Variants in QRFPR observed in about 807,000 individuals in gnomAD.
QRFPR encodes pyroglutamylated RFamide peptide receptor.
QRFPR carries 37 observed loss-of-function variants against 31.3 expected under a neutral mutation model. The observed-to-expected ratio is 1.18, with a 90% CI of 0.91 to 1.56. The LOEUF (loss-of-function observed/expected upper bound fraction) is 1.56, where lower values mean the gene tolerates loss of function less well. Among genes scored for constraint, QRFPR ranks in the 40% most tolerant of loss-of-function variants. The pLI is 0.00. For synonymous variants in QRFPR, 197 were observed against 192.0 expected, an observed-to-expected ratio of 1.03 and a Z score of -0.22; for missense variants, 542 against 532.5, an observed-to-expected ratio of 1.02 and a Z score of -0.18.
chr4:121,329,140 G>T lies in QRFPR; in HGVS notation c.*174C>A, dbSNP rs1238666056. The T allele has an allele frequency of 3.4e-5, 18 of 525,308 alleles. 1 individual carries two copies. Among genetic ancestry groups the T allele is most frequent in the Non-Finnish European group, 5.6e-5 (17 of 305,050 alleles). 32.5% of individuals were successfully genotyped at this position (525,308 alleles called of 1,614,324 possible). On this transcript the variant is annotated 3_prime_UTR_variant, in exon 6 of 6. Coordinates refer to ENST00000394427, the MANE Select transcript of QRFPR (RefSeq NM_198179.3). ...ATCTGTTAAATGATTGTGATCAATT[G>T]GTTGTAAACATCACTGCACTTGGAC...
At chr4:121,369,428 C>A in intron 1 of QRFPR, 1 of 815,086 alleles carries the variant, frequency 1.2e-6, no homozygotes. Flanking sequence ...AAAGAAAGGG[C>A]TCTAGAAGCC....
At chr4:121,343,598 G>A (rs1725587034) in intron 1 of QRFPR, among the ~76,000 whole-genome samples, 1 of 152,208 alleles carries the variant, frequency 6.6e-6, no homozygotes, top group Admixed American at 6.5e-5. Flanking sequence ...TGGTTTGGAT[G>A]TGGTACTTGA....
At position 121,364,315 on chromosome 4, in the gene QRFPR, G is replaced by A. The variant is rs367751922; in HGVS notation, c.340+15993C>T. ...AAAACTTGAATGGAATGAGAGAAAG[G>A]GGTTCTAAGGCATGTTAATTGAAAT... On this transcript the variant is annotated intron_variant, in intron 1 of 5. Coordinates refer to ENST00000394427, the MANE Select transcript of QRFPR (RefSeq NM_198179.3). 6.0e-4 allele frequency among the ~76,000 whole-genome samples: 90 copies of A among 150,242 alleles called. 4 individuals carry two copies. Among genetic ancestry groups the A allele is most frequent in the African/African-American group, 2.1e-3 (87 of 40,690 alleles).
chr4:121,370,599 C>T (rs1190913232), intron 1 of QRFPR, among the ~76,000 whole-genome samples: 3 of 152,212 alleles, frequency 2.0e-5, no homozygotes, highest in African/African-American at 7.2e-5. Flanking sequence ...GCATCTGGAC[C>T]CAAGCCATGG....
At chr4:121,353,416 G>A (rs1409296165) in intron 1 of QRFPR, among the ~76,000 whole-genome samples, 1 of 152,032 alleles carries the variant, frequency 6.6e-6, no homozygotes, top group Admixed American at 6.6e-5. Context: ...CATCTTAACT[G>A]GGGTAAGATT....
At chr4:121,372,164 A>G (rs1487544251) in intron 1 of QRFPR, among the ~76,000 whole-genome samples, 1 of 152,180 alleles carries the variant, frequency 6.6e-6, no homozygotes, top group South Asian at 2.1e-4. Flanking sequence ...TCAGTCTCCC[A>G]CAAGACAGGG....
chr4:121,368,550 C>A (rs2110483078), intron 1 of QRFPR, among the ~76,000 whole-genome samples: 1 of 150,410 alleles, frequency 6.6e-6, no homozygotes, highest in African/African-American at 2.5e-5. Context: ...GGACAGTGAT[C>A]CATTAGGTCT....
chr4:121,361,639 G>A (rs72917765), intron 1 of QRFPR, among the ~76,000 whole-genome samples: 1 of 150,168 alleles, frequency 6.7e-6, no homozygotes, highest in Non-Finnish European at 1.5e-5. Flanking sequence ...GGCCTGAGAC[G>A]ATTCTGAAAA....
At chr4:121,334,721 T>C (rs1362426213) in intron 3 of QRFPR, 1 of 276,800 alleles carries the variant, frequency 3.6e-6, no homozygotes, top group Non-Finnish European at 7.4e-6. Flanking sequence ...AACCGTCTCG[T>C]TGCTTCTATC....
rs148645847 is a variant in QRFPR at position 121,329,743 on chromosome 4, C to A, written c.896-29G>T. On this transcript the variant is annotated intron_variant, in intron 5 of 5. Transcript: ENST00000394427. ...AAATAAAGTAATATTTTAGAATGTA[C>A]GTTTATTTTAAGGAGTATAAAATAA... The A allele has an allele frequency of 3.5e-4, 481 of 1,389,308 alleles. 1 individual carries two copies. The African/African-American group carries it at 5.8e-3, about 17-fold the overall frequency. 86.1% of individuals were successfully genotyped at this position (1,389,308 alleles called of 1,614,324 possible). A position where few individuals can be genotyped will look rare whatever the true frequency, so the allele number is the denominator to read the frequency against.
At chr4:121,371,048 A>T (rs1031216038) in intron 1 of QRFPR, among the ~76,000 whole-genome samples, 1 of 152,208 alleles carries the variant, frequency 6.6e-6, no homozygotes, top group African/African-American at 2.4e-5. Flanking sequence ...ATGGAACAGG[A>T]TTAGAACCCA....
intron 3 of QRFPR, 64 bp from the exon 4 acceptor site, chr4:121,333,120 A>G: frequency 9.4e-7 from 1 of 1,068,258 alleles, no homozygotes; most frequent in Non-Finnish European, 1.4e-6. Context: ...GAAATCAGCC[A>G]AGTATTATTG....
chr4:121,380,352 A>G lies in QRFPR; in HGVS notation c.296T>C (p.Ile99Thr). ...LSDLLITFFCIPVTMLQNISD... is the reference protein window; with the variant it reads ...LSDLLITFFCTPVTMLQNISD... ...AATGTTCTGGAGCATGGTGACGGGA[A>G]TGCAGAAGAAGGTGATGAGCAGGTC... is the stretch of plus-strand genomic sequence containing the variant. Residue 99 changes from isoleucine (I) to threonine (T), a missense_variant, in exon 1 of 6, where the codon ATT becomes ACT. Ile to Thr is a moderately conservative substitution (Grantham distance 89, BLOSUM62 -1). Transcript: ENST00000394427. The G allele has an allele frequency of 6.2e-7, 1 of 1,614,146 alleles. No homozygotes were observed. The highest frequency in any genetic ancestry group is 8.5e-7 in the Non-Finnish European group (1 of 1,180,022).
At position 121,362,785 on chromosome 4, in the gene QRFPR, A is replaced by G. The variant is rs146416541; in HGVS notation, c.340+17523T>C. On this transcript the variant is annotated intron_variant, in intron 1 of 5. Coordinates refer to ENST00000394427, the MANE Select transcript of QRFPR (RefSeq NM_198179.3). ...TTCCACAGGAAAAATAAAAGAATCT[A>G]GACACTACGAGAAAGACCACTTAAA... is the stretch of plus-strand genomic sequence containing the variant. Among the ~76,000 whole-genome samples, 632 of 150,282 alleles carry G rather than the reference A, an allele frequency of 4.2e-3. 38 individuals are homozygous for G. Among genetic ancestry groups the G allele is most frequent in the African/African-American group, 0.015 (599 of 40,708 alleles).
chr4:121,350,309 A>G (rs1725738764), intron 1 of QRFPR, among the ~76,000 whole-genome samples: 1 of 152,190 alleles, frequency 6.6e-6, no homozygotes, highest in South Asian at 2.1e-4. Context: ...CACCAAGTTC[A>G]AGGATAATAT....
intron 1 of QRFPR, among the ~76,000 whole-genome samples, chr4:121,361,518 A>AAC (rs1725991518): frequency 1.3e-5 from 2 of 150,178 alleles, no homozygotes; most frequent in Admixed American, 1.3e-4. Flanking sequence ...GCAAAAGTGG[A>AAC]ACACAGCAAT....
intron 1 of QRFPR, among the ~76,000 whole-genome samples, chr4:121,373,576 C>G (rs1726294390): frequency 6.6e-6 from 1 of 152,150 alleles, no homozygotes; most frequent in Admixed American, 6.5e-5. Flanking sequence ...TGATTTTACA[C>G]CAATCTTACC....
intron 4 of QRFPR, among the ~76,000 whole-genome samples, chr4:121,331,185 T>TG (rs1168091199): frequency 2.2e-5 from 3 of 137,850 alleles, no homozygotes; most frequent in Admixed American, 7.3e-5. Flanking sequence ...GTTTTTTTTT[T>TG]TTTTTTTTTT....
chr4:121,330,482 G>T lies in QRFPR; in HGVS notation c.839C>A (p.Ala280Asp). Residue 280 changes from alanine to aspartate, a missense_variant, in exon 5 of 6, where the codon GCT becomes GAT. Ala to Asp is a moderately radical substitution (Grantham distance 126). Transcript: ENST00000394427. ...TGGTGCCCAGCACACAGCAAAGAGAGCCACCACTGTCACCATCATAATGAC... is the reference window on the plus strand; with the variant it reads ...TGGTGCCCAGCACACAGCAAAGAGATCCACCACTGTCACCATCATAATGAC... ...RAVIMMVTVV[A>D]LFAVCWAPFH... 1 of 1,613,956 alleles carries T rather than the reference G, an allele frequency of 6.2e-7. No individual in the cohort carries two copies. The highest frequency in any genetic ancestry group is 1.3e-5 in the African/African-American group (1 of 75,044).
Sources: allele counts gnomAD v4.1 joint callset (sites outside exome capture counted in the v4.1 genomes callset), GRCh38; gene constraint gnomAD v4.1.1; transcripts MANE v1.5; gene names NCBI Gene and HGNC (gene_info 2026-07-23, HGNC 2026-07-21).